The following ADK variants were observed in gnomAD, a reference collection of about 807,000 sequenced individuals.
ADK encodes N6,N6-dimethyladenosine kinase.
ADK carries 24 observed loss-of-function variants against 44.7 expected under a neutral mutation model. That is an observed-to-expected ratio of 0.54 (90% CI 0.39 to 0.76). ADK has a LOEUF of 0.76. Ranked by LOEUF, ADK falls within the 30% of genes least tolerant of loss-of-function variation. The probability of loss-of-function intolerance (pLI) is 0.00; values close to 1 mark genes in which losing one functional copy is unlikely to be tolerated. For synonymous variants in ADK, 128 were observed against 142.6 expected (o/e 0.90, Z 0.73); for missense variants, 321 against 425.1 (o/e 0.76, Z 2.15).
intron 6 of ADK, among the ~76,000 whole-genome samples, chr10:74,433,691 C>T (rs1286743416): frequency 6.6e-6 from 1 of 152,162 alleles, no homozygotes; most frequent in Non-Finnish European, 1.5e-5. Flanking sequence ...TTAAGTCAGT[C>T]ATTCAGTAAC....
intron 7 of ADK, among the ~76,000 whole-genome samples, chr10:74,543,717 T>C (rs535207253): frequency 9.7e-4 from 148 of 152,346 alleles, no homozygotes; most frequent in African/African-American, 3.4e-3. Flanking sequence ...TCAAATGGAA[T>C]TCACTAGAAG....
intron 3 of ADK, among the ~76,000 whole-genome samples, chr10:74,226,243 G>A (rs1181195942): frequency 6.6e-6 from 1 of 151,956 alleles, no homozygotes; most frequent in Non-Finnish European, 1.5e-5. Context: ...GAGTAGCAGG[G>A]ATTACAGGCA....
At chr10:74,450,207 G>T (rs754383005) in intron 6 of ADK, among the ~76,000 whole-genome samples, 7 of 152,176 alleles carry the variant, frequency 4.6e-5, no homozygotes, top group African/African-American at 7.2e-5. Flanking sequence ...CTAGCTACTT[G>T]GGAAGCTCAG....
At chr10:74,288,260 C>G (rs752336372) in intron 3 of ADK, among the ~76,000 whole-genome samples, 1 of 152,108 alleles carries the variant, frequency 6.6e-6, no homozygotes, top group Non-Finnish European at 1.5e-5. Flanking sequence ...AATCATGACT[C>G]AGAAAATGTA....
intron 7 of ADK, among the ~76,000 whole-genome samples, chr10:74,578,132 T>G (rs775202577): frequency 3.3e-5 from 5 of 152,132 alleles, no homozygotes; most frequent in Non-Finnish European, 5.9e-5. Flanking sequence ...TGGTTCACAT[T>G]TGAACAAAGT....
chr10:74,648,674 C>T lies in ADK; in HGVS notation c.878-21509C>T, dbSNP rs543038568. ...GCCTGGTGACAAAGCGAGACTCCAT[C>T]TCAAAAAAAAAGAAGAAAAGTGCCT... On this transcript the variant is annotated intron_variant, in intron 9 of 10. Coordinates refer to ENST00000539909, the MANE Select transcript of ADK (RefSeq NM_006721.4). Among the ~76,000 whole-genome samples the T allele has an allele frequency of 2.1e-4, 31 of 150,990 alleles. 1 individual carries two copies. In the East Asian group the frequency reaches 6.0e-3, roughly 29 times the overall value.
intron 6 of ADK, among the ~76,000 whole-genome samples, chr10:74,497,212 T>C (rs909870123): frequency 6.6e-6 from 1 of 152,230 alleles, no homozygotes; most frequent in Non-Finnish European, 1.5e-5. Flanking sequence ...GGCTTTATGG[T>C]GGAGTAAGGG....
chr10:74,455,988 G>A (rs1845931322), intron 6 of ADK, among the ~76,000 whole-genome samples: 1 of 151,998 alleles, frequency 6.6e-6, no homozygotes, highest in Non-Finnish European at 1.5e-5. Context: ...TCTGGGGGTT[G>A]TTCTTCTCGA....
chr10:74,281,422 G>A (rs1846930786), intron 3 of ADK, among the ~76,000 whole-genome samples: 1 of 152,192 alleles, frequency 6.6e-6, no homozygotes, highest in African/African-American at 2.4e-5. Flanking sequence ...ATAAGCAAGG[G>A]GAAGGCAGTC....
intron 10 of ADK, among the ~76,000 whole-genome samples, chr10:74,680,472 A>T (rs948838165): frequency 6.6e-6 from 1 of 152,178 alleles, no homozygotes; most frequent in Non-Finnish European, 1.5e-5. Context: ...CTAACAGTGG[A>T]TGTACTGGGA....
intron 6 of ADK, among the ~76,000 whole-genome samples, chr10:74,463,642 C>T (rs1846249333): frequency 6.6e-6 from 1 of 152,188 alleles, no homozygotes; most frequent in Admixed American, 6.5e-5. Context: ...GGATTTGTAT[C>T]CGTCCATGTC....
At chr10:74,493,240 G>T (rs1847550313) in intron 6 of ADK, among the ~76,000 whole-genome samples, 1 of 151,922 alleles carries the variant, frequency 6.6e-6, no homozygotes, top group African/African-American at 2.4e-5. Context: ...TGCAGTGAGT[G>T]ACATGATTAT....
At chr10:74,526,269 C>T (rs951293982) in intron 7 of ADK, among the ~76,000 whole-genome samples, 1 of 151,916 alleles carries the variant, frequency 6.6e-6, no homozygotes, top group Non-Finnish European at 1.5e-5. Context: ...ACAGTTTTTT[C>T]TTTCTACCAA....
chr10:74,551,160 A>T (rs948612045), intron 7 of ADK, among the ~76,000 whole-genome samples: 9 of 152,218 alleles, frequency 5.9e-5, no homozygotes, highest in Non-Finnish European at 1.3e-4. Flanking sequence ...TACAGCAAAG[A>T]TGCCACTGGG....
intron 2 of ADK, among the ~76,000 whole-genome samples, chr10:74,205,124 A>G (rs1250521831): frequency 6.6e-6 from 1 of 151,426 alleles, no homozygotes; most frequent in African/African-American, 2.4e-5. Context: ...AATGGAATCC[A>G]TTGACTTCTC....
At chr10:74,296,643 G>C (rs2132499920) in intron 3 of ADK, among the ~76,000 whole-genome samples, 1 of 136,514 alleles carries the variant, frequency 7.3e-6, no homozygotes, top group Admixed American at 7.8e-5. Flanking sequence ...ATGGAGTCTT[G>C]CTCTGTCACC....
chr10:74,596,443 C>G (rs1368941348), intron 8 of ADK, among the ~76,000 whole-genome samples: 3 of 152,108 alleles, frequency 2.0e-5, no homozygotes, highest in Non-Finnish European at 2.9e-5. Context: ...GACTGAAATG[C>G]AATGATACGG....
chr10:74,182,632 G>A (rs1181481698), intron 1 of ADK, among the ~76,000 whole-genome samples: 3 of 152,102 alleles, frequency 2.0e-5, no homozygotes, highest in Non-Finnish European at 4.4e-5. Flanking sequence ...GCCTCCCAAA[G>A]TGCTCACAGG....
At chr10:74,227,353 C>A (rs933785653) in intron 3 of ADK, among the ~76,000 whole-genome samples, 2 of 152,134 alleles carry the variant, frequency 1.3e-5, no homozygotes, top group Non-Finnish European at 1.5e-5. Context: ...TGAAAATTAA[C>A]CCTAATTCTA....
Sources: allele counts gnomAD v4.1 joint callset (sites outside exome capture counted in the v4.1 genomes callset), GRCh38; gene constraint gnomAD v4.1.1; transcripts MANE v1.5; gene names NCBI Gene and HGNC (gene_info 2026-07-23, HGNC 2026-07-21).